BEND4: variants seen among roughly 807,000 people sequenced by gnomAD.
The protein encoded by BEND4 is BEN domain-containing protein 4.
Under a neutral mutation model 54.7 loss-of-function variants are expected in BEND4, and 27 were observed. That is an observed-to-expected ratio of 0.49 (90% CI 0.36 to 0.68). The LOEUF (loss-of-function observed/expected upper bound fraction) is 0.68, where lower values mean the gene tolerates loss of function less well. BEND4 is among the 30% of genes least tolerant of loss of function. BEND4 has a pLI of 0.00. For synonymous variants in BEND4, 327 were observed against 299.5 expected, an observed-to-expected ratio of 1.09 and a Z score of -0.95; for missense variants, 702 against 697.2, an observed-to-expected ratio of 1.01 and a Z score of -0.08.
rs1404818089 is a variant in BEND4 at position 42,152,016 on chromosome 4, C to G, written c.128G>C (p.Arg43Pro). 17 of 1,252,572 alleles carry G rather than the reference C, an allele frequency of 1.4e-5. No homozygotes were observed. Among genetic ancestry groups the G allele is most frequent in the Admixed American group, 4.2e-5 (1 of 23,580 alleles). The allele number at this position is 1,252,572 out of a possible 1,614,324, so 77.6% of individuals were successfully genotyped here. ...GTGCGGCAGCTCCACCAGGGTGGGTCGCTCGTAGCGCTTGGCCAGCGCCGG... is the reference window on the plus strand; with the variant it reads ...GTGCGGCAGCTCCACCAGGGTGGGTGGCTCGTAGCGCTTGGCCAGCGCCGG... ...KRPALAKRYE[R>P]PTLVELPHVR... Residue 43 changes from arginine to proline, a missense_variant, in exon 2 of 6, where the codon CGA becomes CCA. Arg to Pro is a moderately radical substitution (Grantham distance 103, BLOSUM62 -2). Coordinates refer to ENST00000502486, the MANE Select transcript of BEND4 (RefSeq NM_207406.4).
chr4:42,144,095 G>T, intron 2 of BEND4, 101 bp from the exon 3 acceptor site: 2 of 836,562 alleles, frequency 2.4e-6, no homozygotes, highest in Non-Finnish European at 3.9e-6. Context: ...TTAAAAATAT[G>T]TATTTCTACT....
At chr4:42,124,176 G>C (rs1720180641) in intron 4 of BEND4, among the ~76,000 whole-genome samples, 1 of 152,142 alleles carries the variant, frequency 6.6e-6, no homozygotes, top group Non-Finnish European at 1.5e-5. Flanking sequence ...GCAACATAGT[G>C]ACACCCCATC....
rs528352844 is a variant in BEND4, at chr4:42,130,363, C to A, written c.1055-4689G>T. The stretch of plus-strand genomic sequence containing the variant: ...GGCGTGGTGGCGGACACCTATGGTC[C>A]CAGCTACTCGGGAGGCTGAGGCAAG... On this transcript the variant is annotated intron_variant, in intron 3 of 5. Coordinates refer to ENST00000502486, the MANE Select transcript of BEND4 (RefSeq NM_207406.4). Among the ~76,000 whole-genome samples, 21 of 151,812 alleles carry A rather than the reference C, an allele frequency of 1.4e-4. No individual in the cohort carries two copies. The South Asian group carries it at 4.4e-3, about 32-fold the overall frequency.
chr4:42,133,447 A>G (rs1720578679), intron 3 of BEND4, among the ~76,000 whole-genome samples: 1 of 152,238 alleles, frequency 6.6e-6, no homozygotes, highest in African/African-American at 2.4e-5. Flanking sequence ...TATTAGTCCT[A>G]AAGTAACTCT....
chr4:42,124,912 T>C (rs1222875083), intron 4 of BEND4, among the ~76,000 whole-genome samples: 1 of 152,004 alleles, frequency 6.6e-6, no homozygotes, highest in Non-Finnish European at 1.5e-5. Flanking sequence ...AGGAGAGCAA[T>C]GACAGCAGAA....
chr4:42,120,184 G>A lies in BEND4; in HGVS notation c.1257C>T (p.Ile419=). ...KDGRRLLRYL[I]RFVFTTDELK... is the part of the protein sequence containing the mutation. ...GCTCATCGGTTGTGAAAACAAATCT[G>A]ATGAGGTATCGAAGGAGCCGTCTCC... The change falls in exon 5 of 6, where the codon ATC becomes ATT. Residue 419 remains isoleucine (I), a synonymous_variant. Transcript: ENST00000502486. 9 of 1,613,962 alleles carry A rather than the reference G, an allele frequency of 5.6e-6. No individual in the cohort carries two copies. The highest frequency in any genetic ancestry group is 7.6e-6 in the Non-Finnish European group (9 of 1,179,874).
intron 4 of BEND4, 121 bp downstream of exon 4, chr4:42,125,462 C>G: frequency 2.8e-6 from 2 of 719,414 alleles, no homozygotes; most frequent in South Asian, 3.2e-5. Flanking sequence ...AGGCAACAGA[C>G]CCATAAACCT....
In BEND4 at chr4:42,113,806, C is replaced by T. The variant is rs1475116783; in HGVS notation, c.*3712G>A. 1 of 152,142 alleles carries T rather than the reference C, an allele frequency of 6.6e-6. No homozygotes were observed. The highest frequency in any genetic ancestry group is 1.5e-5 in the Non-Finnish European group (1 of 68,036). The allele number at this position is 152,142 out of a possible 1,614,324, so 9.4% of individuals were successfully genotyped here. A position where few individuals can be genotyped will look rare whatever the true frequency, so the allele number is the denominator to read the frequency against. ...CCCGATCACCCACTAACTCTACAGC[C>T]GTGAAGTAGCTACAAATATGTCTCG... On this transcript the variant is annotated 3_prime_UTR_variant, in exon 6 of 6. Transcript: ENST00000502486.
rs189326654 is a variant in BEND4 at position 42,132,118 on chromosome 4, G to A, written c.1055-6444C>T. On this transcript the variant is annotated intron_variant, in intron 3 of 5. Coordinates refer to ENST00000502486, the MANE Select transcript of BEND4 (RefSeq NM_207406.4). The stretch of plus-strand genomic sequence containing the variant: ...CACAGCTACACCACACTGCCTGCCC[G>A]GAGGTGCATGGGCACTGAAAAGGAA... Among the ~76,000 whole-genome samples, 340 of 152,384 alleles carry A rather than the reference G, an allele frequency of 2.2e-3. 2 individuals are homozygous for A. Among genetic ancestry groups the A allele is most frequent in the South Asian group, 0.018 (87 of 4,828 alleles).
At chr4:42,125,515 C>A in intron 4 of BEND4, 68 bp downstream of exon 4, 1 of 1,240,442 alleles carries the variant, frequency 8.1e-7, no homozygotes, top group Non-Finnish European at 1.2e-6. Flanking sequence ...CTGGTATACA[C>A]TGATAAGTTA....
chr4:42,131,221 A>T (rs897250974), intron 3 of BEND4, among the ~76,000 whole-genome samples: 3 of 152,228 alleles, frequency 2.0e-5, no homozygotes, highest in Admixed American at 2.0e-4. Flanking sequence ...CCCGGAACTT[A>T]AAATATATAA....
Position 42,143,728 on chromosome 4 carries a change from A to G in BEND4, c.754T>C (p.Ser252Pro), listed in dbSNP as rs1205490055. ...CCCGAGAGCAGGTAATTTTGTAGAG[A>G]GTCAGTGAAAACCCTCAAAAAGGCA... is the stretch of plus-strand genomic sequence containing the variant. ...TSAFLRVFTD[S>P]LQNYLLSGSF... The change falls in exon 3 of 6, where the codon TCT becomes CCT. Residue 252 changes from serine (S) to proline (P), a missense_variant. Ser to Pro is a moderately conservative substitution (Grantham distance 74). Coordinates refer to ENST00000502486, the MANE Select transcript of BEND4 (RefSeq NM_207406.4). 1 of 1,614,016 alleles carries G rather than the reference A, an allele frequency of 6.2e-7. No individual in the cohort carries two copies. The highest frequency in any genetic ancestry group is 8.5e-7 in the Non-Finnish European group (1 of 1,179,898).
chr4:42,151,443 A>C (rs1372309513), intron 2 of BEND4: 1 of 373,596 alleles, frequency 2.7e-6, no homozygotes, highest in Non-Finnish European at 4.6e-6. Context: ...CCGCGGAGCC[A>C]CCTGTTAGGC....
In BEND4 at chr4:42,111,227, T is replaced by C. The variant is rs1395759864; in HGVS notation, c.*6291A>G. On this transcript the variant is annotated 3_prime_UTR_variant, in exon 6 of 6. Coordinates refer to ENST00000502486, the MANE Select transcript of BEND4 (RefSeq NM_207406.4). ...ATATTACACTATGCATTTGTAGCTT[T>C]ATTAACATATCCCTAGTGGGTATTA... 1 of 152,236 alleles carries C rather than the reference T, an allele frequency of 6.6e-6. No homozygotes were observed. Among genetic ancestry groups the C allele is most frequent in the Non-Finnish European group, 1.5e-5 (1 of 68,044 alleles). 9.4% of individuals were successfully genotyped at this position (152,236 alleles called of 1,614,324 possible). A position where few individuals can be genotyped will look rare whatever the true frequency, so the allele number is the denominator to read the frequency against.
chr4:42,151,840 G>GCGA lies in BEND4; in HGVS notation c.301_303dup (p.Ser101dup). On this transcript the variant is annotated inframe_insertion, in exon 2 of 6. Coordinates refer to ENST00000502486, the MANE Select transcript of BEND4 (RefSeq NM_207406.4). ...TGGGATGTGGCGGGCGTGCAGGACG[G>GCGA]CGACGACGACGAAGCGGCGGCGGCG... 1 of 1,346,366 alleles carries GCGA rather than the reference G, an allele frequency of 7.4e-7. No homozygotes were observed. The highest frequency in any genetic ancestry group is 9.4e-7 in the Non-Finnish European group (1 of 1,058,978). 83.4% of individuals were successfully genotyped at this position (1,346,366 alleles called of 1,614,324 possible).
rs370426323 is a variant in BEND4, at chr4:42,134,061, C to G, written c.1055-8387G>C. Reference sequence around the variant, plus strand: ...TGACTGTGCTGTCTTGTATGAGCAGCTGGTAAATAAGACTACTGAAATGGT... The same window carrying G: ...TGACTGTGCTGTCTTGTATGAGCAGGTGGTAAATAAGACTACTGAAATGGT... On this transcript the variant is annotated intron_variant, in intron 3 of 5. Coordinates refer to ENST00000502486, the MANE Select transcript of BEND4 (RefSeq NM_207406.4). Among the ~76,000 whole-genome samples the G allele has an allele frequency of 4.2e-4, 64 of 152,304 alleles. No individual in the cohort carries two copies. In the South Asian group the frequency reaches 0.013, roughly 31 times the overall value.
rs768342771 is a variant in BEND4, at chr4:42,117,470, T to C, written c.*48A>G. 16 of 1,353,862 alleles carry C rather than the reference T, an allele frequency of 1.2e-5. No homozygotes were observed. The highest frequency in any genetic ancestry group is 1.9e-4 in the Middle Eastern group (1 of 5,246). 83.9% of individuals were successfully genotyped at this position (1,353,862 alleles called of 1,614,324 possible). On this transcript the variant is annotated 3_prime_UTR_variant, in exon 6 of 6. Transcript: ENST00000502486. The stretch of plus-strand genomic sequence containing the variant: ...GGTGACAGGAACAGGACATTCACAA[T>C]TGGAACTCTTGAGAGGACCAGCTGC...
chr4:42,131,619 T>C (rs181775598), intron 3 of BEND4, among the ~76,000 whole-genome samples: 1 of 152,220 alleles, frequency 6.6e-6, no homozygotes, highest in African/African-American at 2.4e-5. Flanking sequence ...GCAGCAGTGC[T>C]AAGCTATGAC....
In BEND4 at chr4:42,114,155, G is replaced by GACTTT. The variant is rs1350383017; in HGVS notation, c.*3358_*3362dup. 6.6e-6 allele frequency: 1 copy of GACTTT among 152,182 alleles called. No homozygotes were observed. The highest frequency in any genetic ancestry group is 1.5e-5 in the Non-Finnish European group (1 of 68,048). 9.4% of individuals were successfully genotyped at this position (152,182 alleles called of 1,614,324 possible). ...ACCGTCAAGAGTCAGTGAGAAATGT[G>GACTTT]ACTTTAGTAACTGCTTGCAAAATAC... On this transcript the variant is annotated 3_prime_UTR_variant, in exon 6 of 6. Coordinates refer to ENST00000502486, the MANE Select transcript of BEND4 (RefSeq NM_207406.4).
Sources: allele counts gnomAD v4.1 joint callset (sites outside exome capture counted in the v4.1 genomes callset), GRCh38; gene constraint gnomAD v4.1.1; transcripts MANE v1.5; gene names NCBI Gene and HGNC (gene_info 2026-07-23, HGNC 2026-07-21).